Variants in CCR3 observed in about 807,000 individuals in gnomAD.
The protein encoded by CCR3 is C-C motif chemokine receptor 3.
For synonymous variants in CCR3, 203 were observed against 179.2 expected, an observed-to-expected ratio of 1.13 and a Z score of -1.06; for missense variants, 419 against 437.5, an observed-to-expected ratio of 0.96 and a Z score of 0.38.
In CCR3 at chr3:46,266,141, T is replaced by G. The variant is rs1237177318; in HGVS notation, c.983T>G (p.Ile328Ser). ...RHLLMHLGRY[I>S]PFLPSEKLER... ...TTGCTCATGCACCTGGGCAGATACA[T>G]CCCATTCCTTCCTAGTGAGAAGCTG... is the stretch of plus-strand genomic sequence containing the variant. Residue 328 changes from isoleucine to serine, a missense_variant, in exon 2 of 2, where the codon ATC becomes AGC. By Grantham distance (142) the Ile-to-Ser change is moderately radical. Transcript: ENST00000395940. The G allele has an allele frequency of 6.2e-7, 1 of 1,613,938 alleles. No individual in the cohort carries two copies. The highest frequency in any genetic ancestry group is 8.5e-7 in the Non-Finnish European group (1 of 1,179,980).
intron 2 of CCR3, among the ~76,000 whole-genome samples, chr3:46,234,419 T>G (rs1055147268): frequency 1.3e-5 from 2 of 152,134 alleles, no homozygotes; most frequent in Non-Finnish European, 2.9e-5. Context: ...TTGACATCTG[T>G]GAAACATCAG....
intron 2 of CCR3, among the ~76,000 whole-genome samples, chr3:46,232,901 C>T (rs1263321630): frequency 6.6e-6 from 1 of 152,196 alleles, no homozygotes; most frequent in Non-Finnish European, 1.5e-5. Context: ...GGCACAATCT[C>T]GGCTCACTGC....
chr3:46,238,989 T>G (rs1700050110), upstream of CCR3, among the ~76,000 whole-genome samples: 1 of 152,178 alleles, frequency 6.6e-6, no homozygotes. Context: ...TTTTGAGGTG[T>G]GAAAATGTCC....
chr3:46,255,010 T>G (rs892548673), intron 1 of CCR3, among the ~76,000 whole-genome samples: 1 of 152,134 alleles, frequency 6.6e-6, no homozygotes, highest in Non-Finnish European at 1.5e-5. Flanking sequence ...CTAGTTTACA[T>G]ACCCATCAAC....
intron 2 of CCR3, among the ~76,000 whole-genome samples, chr3:46,236,267 G>A (rs1324611537): frequency 6.6e-6 from 1 of 152,194 alleles, no homozygotes; most frequent in Non-Finnish European, 1.5e-5. Context: ...CATGGACTTG[G>A]TTATCTCTGA....
chr3:46,236,363 A>G (rs1446918547), intron 2 of CCR3, among the ~76,000 whole-genome samples: 2 of 152,236 alleles, frequency 1.3e-5, no homozygotes, highest in East Asian at 1.9e-4. Context: ...TGCCCTCACC[A>G]TGGTGGTGCA....
chr3:46,265,165 A>G lies in CCR3; in HGVS notation c.7A>G (p.Thr3Ala), dbSNP rs755441932. Reference protein sequence around the residue: MTTSLDTVETFGT... With the variant: MTASLDTVETFGT... The stretch of plus-strand genomic sequence containing the variant: ...TATCACAGGGAGAAGTGAAATGACA[A>G]CCTCACTAGATACAGTTGAGACCTT... Residue 3 changes from threonine (T) to alanine (A), a missense_variant, in exon 2 of 2, where the codon ACC (threonine) becomes GCC (alanine). Thr to Ala is a moderately conservative substitution (Grantham distance 58, BLOSUM62 0). Coordinates refer to ENST00000395940, the MANE Select transcript of CCR3 (RefSeq NM_178329.3). 1.9e-5 allele frequency: 31 copies of G among 1,600,644 alleles called. No homozygotes were observed. In the Admixed American group the frequency reaches 2.7e-4, roughly 14 times the overall value.
intron 2 of CCR3, among the ~76,000 whole-genome samples, chr3:46,214,820 C>T (rs1256671856): frequency 6.6e-6 from 1 of 152,106 alleles, no homozygotes; most frequent in Non-Finnish European, 1.5e-5. Context: ...CAGTGAAGTG[C>T]TTAGCAGAAA....
chr3:46,216,127 A>G (rs955299935), intron 2 of CCR3, among the ~76,000 whole-genome samples: 5 of 152,206 alleles, frequency 3.3e-5, no homozygotes, highest in Non-Finnish European at 7.3e-5. Flanking sequence ...TATTCCAGCA[A>G]TTCCACTTTT....
rs147302505 is a variant in CCR3, at chr3:46,215,475, C to G, written c.-68+4568C>G. ...AGAGTTTGAGAATCAGTGCTGGACC[C>G]TGCTGTTCAAAGTGATGGCAAAACC... On this transcript the variant is annotated intron_variant, in intron 2 of 3. Coordinates refer to the CCR3 transcript ENST00000357422. Among the ~76,000 whole-genome samples, 672 of 152,226 alleles carry G rather than the reference C, an allele frequency of 4.4e-3. 3 individuals are homozygous for G. Among genetic ancestry groups the G allele is most frequent in the African/African-American group, 0.015 (626 of 41,548 alleles).
intron 2 of CCR3, among the ~76,000 whole-genome samples, chr3:46,233,875 G>A (rs1699995172): frequency 6.6e-6 from 1 of 152,218 alleles, no homozygotes; most frequent in African/African-American, 2.4e-5. Flanking sequence ...AAGCTCTGGG[G>A]TAGAGCCAGC....
At chr3:46,212,464 T>A (rs1237763048) in intron 2 of CCR3, among the ~76,000 whole-genome samples, 1 of 148,272 alleles carries the variant, frequency 6.7e-6, no homozygotes, top group Admixed American at 6.7e-5. Context: ...ATCACCTCAT[T>A]TCCCCCCTCT....
chr3:46,258,274 A>G (rs7652290), intron 1 of CCR3, among the ~76,000 whole-genome samples: 56,662 of 152,096 alleles, frequency 0.37, 10,935 homozygotes, highest in East Asian at 0.64. Flanking sequence ...TTAATTTCCA[A>G]ATAAAGATAA....
chr3:46,233,057 T>C (rs971252300), intron 2 of CCR3, among the ~76,000 whole-genome samples: 5 of 152,234 alleles, frequency 3.3e-5, no homozygotes, highest in Admixed American at 3.3e-4. Flanking sequence ...GGTCTCGAAC[T>C]CCTGACCTCG....
chr3:46,255,782 T>C (rs532973880), intron 1 of CCR3, among the ~76,000 whole-genome samples: 4 of 152,298 alleles, frequency 2.6e-5, no homozygotes, highest in African/African-American at 7.2e-5. Flanking sequence ...AGTACCATTC[T>C]GTTTGGGTGA....
rs773404555 is a variant in CCR3, at chr3:46,265,764, A to G, written c.606A>G (p.Arg202=). 1 of 1,613,698 alleles carries G rather than the reference A, an allele frequency of 6.2e-7. No homozygotes were observed. Among genetic ancestry groups the G allele is most frequent in the Non-Finnish European group, 8.5e-7 (1 of 1,180,000 alleles). ...GCTGGAGGCATTTCCACACTCTGAGAATGACCATCTTCTGTCTCGTTCTCC... is the reference window on the plus strand; with the variant it reads ...GCTGGAGGCATTTCCACACTCTGAGGATGACCATCTTCTGTCTCGTTCTCC... ...VYSWRHFHTL[R]MTIFCLVLPL... The change falls in exon 2 of 2, where the codon AGA becomes AGG. Residue 202 remains arginine (R), a synonymous_variant. Transcript: ENST00000395940.
In CCR3 at chr3:46,265,520, T is replaced by C. The variant is rs1194271028; in HGVS notation, c.362T>C (p.Ile121Thr). Reference sequence around the variant, plus strand: ...TATCACACAGGCTTGTACAGCGAGATCTTTTTCATAATCCTGCTGACAATC... The same window carrying C: ...TATCACACAGGCTTGTACAGCGAGACCTTTTTCATAATCCTGCTGACAATC... ...GFYHTGLYSE[I>T]FFIILLTIDR... Residue 121 changes from isoleucine (I) to threonine (T), a missense_variant, in exon 2 of 2, where the codon ATC becomes ACC. Physicochemically the swap from Ile to Thr is moderately conservative, Grantham distance 89. Coordinates refer to ENST00000395940, the MANE Select transcript of CCR3 (RefSeq NM_178329.3). 6.2e-7 allele frequency: 1 copy of C among 1,614,148 alleles called. No individual in the cohort carries two copies.
chr3:46,222,995 C>G (rs2125923845), intron 2 of CCR3, among the ~76,000 whole-genome samples: 1 of 152,286 alleles, frequency 6.6e-6, no homozygotes, highest in South Asian at 2.1e-4. Context: ...TAAGGAAGTG[C>G]TCTAAAAACT....
intron 2 of CCR3, among the ~76,000 whole-genome samples, chr3:46,231,881 C>T (rs1699969340): frequency 6.6e-6 from 1 of 152,132 alleles, no homozygotes; most frequent in South Asian, 2.1e-4. Flanking sequence ...ATCTCTTTCC[C>T]TGCCCCAATG....
Sources: allele counts gnomAD v4.1 joint callset (sites outside exome capture counted in the v4.1 genomes callset), GRCh38; gene constraint gnomAD v4.1.1; transcripts MANE v1.5; gene names NCBI Gene and HGNC (gene_info 2026-07-23, HGNC 2026-07-21).